SYNPR: variants seen among roughly 807,000 people sequenced by gnomAD.
SYNPR encodes synaptoporin.
A neutral mutation model predicts 32.9 loss-of-function variants in SYNPR; 23 were observed. The ratio of observed to expected loss-of-function variants is 0.70; its 90% CI spans 0.50 to 0.99. SYNPR has a LOEUF of 0.99. Among genes scored for constraint, SYNPR ranks in the 50% least tolerant of loss-of-function variants. The probability of loss-of-function intolerance (pLI) is 0.00; values close to 1 mark genes in which losing one functional copy is unlikely to be tolerated. For missense variants in SYNPR, 318 were observed against 349.3 expected, an observed-to-expected ratio of 0.91 and a Z score of 0.71; for synonymous variants, 146 against 135.9, an observed-to-expected ratio of 1.07 and a Z score of -0.52.
intron 2 of SYNPR, among the ~76,000 whole-genome samples, chr3:63,313,596 A>G (rs2086993019): frequency 2.1e-5 from 3 of 144,828 alleles, no homozygotes; most frequent in Middle Eastern, 7.1e-3. Context: ...GCGTACATAT[A>G]TGTGTGTGTG....
the SYNPR span, chr3:63,203,091 T>C: frequency 7.9e-5 from 11 of 139,712 alleles, 1 homozygote; most frequent in African/African-American, 3.0e-4. Flanking sequence ...TATATATATA[T>C]ATATATATAT....
At chr3:63,528,451 T>G (rs191471888) in intron 3 of SYNPR, among the ~76,000 whole-genome samples, 108 of 152,234 alleles carry the variant, frequency 7.1e-4, no homozygotes, top group African/African-American at 2.5e-3. Context: ...AGACTTAAAC[T>G]AGCAAAAAGT....
At chr3:63,610,870 T>G (rs999579798) in intron 5 of SYNPR, among the ~76,000 whole-genome samples, 4 of 152,166 alleles carry the variant, frequency 2.6e-5, no homozygotes, top group Non-Finnish European at 4.4e-5. Context: ...AGATGGAAAT[T>G]ATGAATGAAA....
intron 2 of SYNPR, among the ~76,000 whole-genome samples, chr3:63,358,890 C>A (rs540244539): frequency 2.0e-5 from 3 of 152,292 alleles, no homozygotes; most frequent in South Asian, 4.1e-4. Context: ...GTAACCCAGG[C>A]AGTCTGACAT....
At chr3:63,572,023 A>T (rs951190125) in intron 4 of SYNPR, among the ~76,000 whole-genome samples, 1 of 152,214 alleles carries the variant, frequency 6.6e-6, no homozygotes, top group African/African-American at 2.4e-5. Flanking sequence ...AATGAACTCC[A>T]AGCTCCAATG....
intron 3 of SYNPR, among the ~76,000 whole-genome samples, chr3:63,493,266 C>G (rs1401776664): frequency 2.0e-5 from 3 of 152,066 alleles, no homozygotes; most frequent in African/African-American, 7.2e-5. Context: ...GAGGTTCAAA[C>G]AGAGAGGATT....
At chr3:63,337,467 A>G (rs535688508) in intron 2 of SYNPR, among the ~76,000 whole-genome samples, 9 of 152,256 alleles carry the variant, frequency 5.9e-5, no homozygotes, top group Admixed American at 5.2e-4. Flanking sequence ...AGTTTCATAC[A>G]AAGTGCAACC....
intron 2 of SYNPR, among the ~76,000 whole-genome samples, chr3:63,359,754 T>A (rs947471779): frequency 6.6e-6 from 1 of 152,210 alleles, no homozygotes; most frequent in Admixed American, 6.5e-5. Flanking sequence ...ATTATCTTTG[T>A]GATTCTAGTC....
At chr3:63,577,015 G>A (rs1702994451) in intron 4 of SYNPR, among the ~76,000 whole-genome samples, 3 of 151,978 alleles carry the variant, frequency 2.0e-5, no homozygotes, top group Non-Finnish European at 2.9e-5. Flanking sequence ...GGTCTATACT[G>A]TGAGGGGGCA....
chr3:63,520,437 G>C (rs1387008751), intron 3 of SYNPR, among the ~76,000 whole-genome samples: 2 of 152,178 alleles, frequency 1.3e-5, no homozygotes, highest in Non-Finnish European at 2.9e-5. Context: ...CACTTTGGGA[G>C]GCTGAGGTGG....
chr3:63,251,532 A>G (rs1396751000), intron 1 of SYNPR, among the ~76,000 whole-genome samples: 1 of 152,172 alleles, frequency 6.6e-6, no homozygotes, highest in Non-Finnish European at 1.5e-5. Flanking sequence ...ATGCTGAAAG[A>G]ATAGAGTAGG....
intron 2 of SYNPR, among the ~76,000 whole-genome samples, chr3:63,415,436 T>G (rs893155767): frequency 7.9e-5 from 12 of 152,176 alleles, no homozygotes; most frequent in Non-Finnish European, 8.8e-5. Context: ...TTTTTTACGT[T>G]TTTAAAGGTT....
At chr3:63,597,519 T>C (rs756909497) in intron 4 of SYNPR, among the ~76,000 whole-genome samples, 32 of 152,188 alleles carry the variant, frequency 2.1e-4, no homozygotes, top group Non-Finnish European at 3.1e-4. Flanking sequence ...ACTAGTCAGA[T>C]TGAAAGGAAA....
At chr3:63,261,130 C>A (rs35620534) in intron 2 of SYNPR, among the ~76,000 whole-genome samples, 34,958 of 151,466 alleles carry the variant, frequency 0.23, 4,271 homozygotes, top group South Asian at 0.39. Context: ...ACTGCAAACT[C>A]GTTCAACCAT....
chr3:63,473,847 T>A (rs899721796), intron 2 of SYNPR, among the ~76,000 whole-genome samples: 2 of 152,126 alleles, frequency 1.3e-5, no homozygotes, highest in Admixed American at 6.5e-5. Context: ...GAAGCTGAGA[T>A]CAGGTGGTTA....
At chr3:63,540,734 T>C (rs1473066943) in intron 3 of SYNPR, among the ~76,000 whole-genome samples, 2 of 152,030 alleles carry the variant, frequency 1.3e-5, no homozygotes, top group East Asian at 3.9e-4. Flanking sequence ...TACTTCATAC[T>C]TGGCAAGATT....
chr3:63,445,134 G>T (rs1700251007), intron 2 of SYNPR, among the ~76,000 whole-genome samples: 1 of 151,866 alleles, frequency 6.6e-6, no homozygotes, highest in Admixed American at 6.6e-5. Flanking sequence ...TCCTTTCATG[G>T]CTGTAACAGG....
Position 63,416,898 on chromosome 3 carries a change from T to G in SYNPR, c.85-63934T>G, listed in dbSNP as rs541574580. ...AGGTGCCTCCCACAACACACGGAAA[T>G]TCAAGATGAGATTTAGGTGGGGACA... On this transcript the variant is annotated intron_variant, in intron 2 of 5. Transcript: ENST00000478300. 9.2e-5 allele frequency among the ~76,000 whole-genome samples: 14 copies of G among 152,240 alleles called. No individual in the cohort carries two copies. In the South Asian group the frequency reaches 1.9e-3, roughly 20 times the overall value.
intron 2 of SYNPR, among the ~76,000 whole-genome samples, chr3:63,365,651 A>G (rs2087720470): frequency 6.6e-6 from 1 of 152,240 alleles, no homozygotes; most frequent in Non-Finnish European, 1.5e-5. Flanking sequence ...TTCCCTTTTA[A>G]AGAAATATAT....
Sources: gnomAD v4.1 joint callset for allele counts (sites outside exome capture counted in the v4.1 genomes callset) on GRCh38, gnomAD v4.1.1 for gene constraint, MANE v1.5 for transcripts, NCBI Gene and HGNC (gene_info 2026-07-23, HGNC 2026-07-21) for gene names.